The following CDYL2 variants were observed in gnomAD, a reference collection of about 807,000 sequenced individuals.
CDYL2 encodes the protein chromodomain Y like 2.
A neutral mutation model predicts 49.4 loss-of-function variants in CDYL2; 23 were observed. The ratio of observed to expected loss-of-function variants is 0.47; its 90% CI spans 0.34 to 0.66. The LOEUF (loss-of-function observed/expected upper bound fraction) is 0.66, where lower values mean the gene tolerates loss of function less well. Ranked by LOEUF, CDYL2 falls within the 30% of genes least tolerant of loss-of-function variation. The pLI is 0.01. For synonymous variants in CDYL2, 360 were observed against 268.8 expected (o/e 1.34, Z -3.32); for missense variants, 678 against 656.4 (o/e 1.03, Z -0.36).
chr16:80,799,948 T>C (rs1245717864), intron 1 of CDYL2, among the ~76,000 whole-genome samples: 1 of 152,226 alleles, frequency 6.6e-6, no homozygotes, highest in Non-Finnish European at 1.5e-5. Flanking sequence ...GTTCTGCTAG[T>C]ACATGTATTT....
At chr16:80,666,816 C>T (rs79080509) in intron 2 of CDYL2, among the ~76,000 whole-genome samples, 3,639 of 152,220 alleles carry the variant, frequency 0.024, 154 homozygotes, top group African/African-American at 0.084. Flanking sequence ...AAAGCAGAAC[C>T]GGCTCCTTAA....
chr16:80,740,763 T>C (rs1332148171), intron 1 of CDYL2, among the ~76,000 whole-genome samples: 4 of 149,450 alleles, frequency 2.7e-5, no homozygotes, highest in Non-Finnish European at 4.5e-5. Flanking sequence ...GCAACGAAAA[T>C]AGAAAATGCT....
At chr16:80,623,116 G>T (rs1423822159) in intron 3 of CDYL2, among the ~76,000 whole-genome samples, 1 of 151,060 alleles carries the variant, frequency 6.6e-6, no homozygotes, top group African/African-American at 2.4e-5. Flanking sequence ...AAACTTCGCT[G>T]CTCAAAGTGT....
intron 1 of CDYL2, among the ~76,000 whole-genome samples, chr16:80,769,919 G>T (rs1007275723): frequency 1.3e-5 from 2 of 151,972 alleles, no homozygotes; most frequent in African/African-American, 2.4e-5. Context: ...TGGAAATAAG[G>T]GTTTAAGAAT....
rs539454589 is a variant in CDYL2 at position 80,600,321 on chromosome 16, G to A, written c.*4067C>T. 324 of 152,072 alleles carry A rather than the reference G, an allele frequency of 2.1e-3. 1 individual carries two copies. Among genetic ancestry groups the A allele is most frequent in the African/African-American group, 7.1e-3 (295 of 41,510 alleles). 9.4% of individuals were successfully genotyped at this position (152,072 alleles called of 1,614,324 possible). A position where few individuals can be genotyped will look rare whatever the true frequency, so the allele number is the denominator to read the frequency against. On this transcript the variant is annotated 3_prime_UTR_variant, in exon 7 of 7. Transcript: ENST00000570137. Reference sequence around the variant, plus strand: ...ATTAATGAAAAATATTGCCTAAAACGCATATCCTAACTTATCACAGAAATA... The same window carrying A: ...ATTAATGAAAAATATTGCCTAAAACACATATCCTAACTTATCACAGAAATA...
At chr16:80,693,698 C>T (rs147713060) in intron 1 of CDYL2, among the ~76,000 whole-genome samples, 2 of 152,154 alleles carry the variant, frequency 1.3e-5, no homozygotes, top group Admixed American at 6.5e-5. Context: ...TACCAATCGG[C>T]TACACAAGGG....
intron 1 of CDYL2, among the ~76,000 whole-genome samples, chr16:80,778,793 T>G (rs1288692178): frequency 6.6e-6 from 1 of 152,012 alleles, no homozygotes; most frequent in South Asian, 2.1e-4. Context: ...TAATGGAAAT[T>G]GTAGAACAGA....
chr16:80,802,838 G>C (rs1162051883), intron 1 of CDYL2, among the ~76,000 whole-genome samples: 2 of 152,186 alleles, frequency 1.3e-5, no homozygotes, highest in Non-Finnish European at 2.9e-5. Flanking sequence ...AGCTTCTTAG[G>C]AATCACCCCC....
Position 80,635,703 on chromosome 16 carries a change from G to C in CDYL2, c.617-2467C>G, listed in dbSNP as rs372580935. ...ACCACTGAATTTCTTTACAGAATTA[G>C]AAAAAATTACTTTAAATTTCATATG... On this transcript the variant is annotated intron_variant, in intron 2 of 6. Transcript: ENST00000570137. 3.0e-4 allele frequency among the ~76,000 whole-genome samples: 45 copies of C among 152,248 alleles called. 1 individual carries two copies. Among genetic ancestry groups the C allele is most frequent in the Middle Eastern group, 3.4e-3 (1 of 294 alleles).
intron 6 of CDYL2, among the ~76,000 whole-genome samples, chr16:80,607,701 T>C (rs1275176820): frequency 2.0e-5 from 3 of 152,248 alleles, no homozygotes; most frequent in African/African-American, 4.8e-5. Context: ...AGGCATGGTG[T>C]GTACAGCTTT....
chr16:80,707,565 C>T (rs1904448763), intron 1 of CDYL2, among the ~76,000 whole-genome samples: 2 of 152,200 alleles, frequency 1.3e-5, no homozygotes, highest in South Asian at 2.1e-4. Flanking sequence ...ACTGTAAATG[C>T]TCCAGTTGGG....
chr16:80,674,744 A>G (rs1211580442), intron 2 of CDYL2, among the ~76,000 whole-genome samples: 1 of 152,220 alleles, frequency 6.6e-6, no homozygotes, highest in Non-Finnish European at 1.5e-5. Flanking sequence ...ACGTTGCCGC[A>G]TATGTCCACT....
intron 1 of CDYL2, among the ~76,000 whole-genome samples, chr16:80,779,984 A>G (rs1907210288): frequency 1.3e-5 from 2 of 152,152 alleles, no homozygotes; most frequent in African/African-American, 2.4e-5. Context: ...AAGAGAAGAA[A>G]ATGAGTTAAG....
intron 1 of CDYL2, among the ~76,000 whole-genome samples, chr16:80,688,368 T>C (rs1039866091): frequency 8.5e-5 from 13 of 152,194 alleles, no homozygotes; most frequent in Non-Finnish European, 1.6e-4. Context: ...ACCTTGGGCA[T>C]GTCACCCCAC....
At chr16:80,624,842 G>T (rs1907232809) in intron 3 of CDYL2, among the ~76,000 whole-genome samples, 1 of 152,262 alleles carries the variant, frequency 6.6e-6, no homozygotes, top group Middle Eastern at 3.4e-3. Flanking sequence ...CAGATTAGGT[G>T]GTGCTAAAGG....
intron 1 of CDYL2, among the ~76,000 whole-genome samples, chr16:80,693,123 G>A (rs1453586963): frequency 2.7e-5 from 4 of 150,814 alleles, no homozygotes; most frequent in African/African-American, 7.3e-5. Flanking sequence ...GGGGCTGGGT[G>A]TGGGGGTGGA....
intron 4 of CDYL2, among the ~76,000 whole-genome samples, chr16:80,619,307 G>T (rs1906970636): frequency 6.6e-6 from 1 of 152,176 alleles, no homozygotes; most frequent in African/African-American, 2.4e-5. Context: ...TCCAGGGATT[G>T]GCACGTGGAC....
chr16:80,700,505 G>A (rs1168542517), intron 1 of CDYL2, among the ~76,000 whole-genome samples: 1 of 152,136 alleles, frequency 6.6e-6, no homozygotes, highest in Non-Finnish European at 1.5e-5. Context: ...GGGCAAAGAA[G>A]CAGAATAAGA....
chr16:80,798,613 T>C (rs1442099335), intron 1 of CDYL2, among the ~76,000 whole-genome samples: 1 of 152,238 alleles, frequency 6.6e-6, no homozygotes, highest in Non-Finnish European at 1.5e-5. Context: ...TATATGTTCA[T>C]CAACTGTTTA....
Sources: allele counts gnomAD v4.1 joint callset (sites outside exome capture counted in the v4.1 genomes callset), GRCh38; gene constraint gnomAD v4.1.1; transcripts MANE v1.5; gene names NCBI Gene and HGNC (gene_info 2026-07-23, HGNC 2026-07-21).